Variants in LAMC2 observed in about 807,000 individuals in gnomAD.
LAMC2 encodes laminin subunit gamma 2.
Under a neutral mutation model 140.2 loss-of-function variants are expected in LAMC2, and 97 were observed. That is an observed-to-expected ratio of 0.69 (90% confidence interval 0.59 to 0.82). The LOEUF (loss-of-function observed/expected upper bound fraction) is 0.82. Among genes scored for constraint, LAMC2 ranks in the 40% least tolerant of loss-of-function variants. LAMC2 has a pLI of 0.00. For synonymous variants in LAMC2, 513 were observed against 540.2 expected (o/e 0.95, Z 0.70); for missense variants, 1,402 against 1,476.1 (o/e 0.95, Z 0.82).
At chr1:183,248,943 G>A (rs1358817129), downstream of LAMC2, 1 of 149,940 alleles carries the variant, frequency 6.7e-6, no homozygotes, top group Non-Finnish European at 1.5e-5. Flanking sequence ...TCAGTTTGAG[G>A]AGAGTAGAAT....
chr1:183,212,997 T>C (rs1558086413), intron 2 of LAMC2, among the ~76,000 whole-genome samples: 1 of 152,276 alleles, frequency 6.6e-6, no homozygotes, highest in Non-Finnish European at 1.5e-5. Context: ...CAGGCCATCA[T>C]GGCATGGGAG....
chr1:183,207,704 C>T (rs896783776), intron 1 of LAMC2, among the ~76,000 whole-genome samples, 177 bp from the exon 2 acceptor site: 7 of 152,170 alleles, frequency 4.6e-5, no homozygotes, highest in South Asian at 4.1e-4. Flanking sequence ...GAGCAGGCGT[C>T]CCCGGGGTCC....
chr1:183,239,521 T>A lies in LAMC2; in HGVS notation c.3027T>A (p.Asn1009Lys). ...SAAADAQRAK[N>K]GAGEALEISS... ...CTGCTGATGCACAGAGGGCAAAGAA[T>A]GGGGCCGGGGAGGCCCTGGAAATCT... Residue 1009 changes from asparagine to lysine, a missense_variant, in exon 20 of 23, where the codon AAT (asparagine) becomes AAA (lysine). This residue lies in a region of LAMC2 where 670 missense variants were observed against 667.2 expected (regional missense o/e 1.00). Transcript: ENST00000264144. The A allele has an allele frequency of 6.2e-7, 1 of 1,613,400 alleles. No homozygotes were observed. The highest frequency in any genetic ancestry group is 1.1e-5 in the South Asian group (1 of 90,892).
Position 183,245,116 on chromosome 1 carries a change from A to G in LAMC2, c.*1716A>G, listed in dbSNP as rs1411211867. 6.6e-6 allele frequency among the ~76,000 whole-genome samples: 1 copy of G among 152,230 alleles called. No individual in the cohort carries two copies. The highest frequency in any genetic ancestry group is 1.5e-5 in the Non-Finnish European group (1 of 68,030). On this transcript the variant is annotated 3_prime_UTR_variant, in exon 23 of 23. Coordinates refer to ENST00000264144, the MANE Select transcript of LAMC2 (RefSeq NM_005562.3). Reference sequence around the variant, plus strand: ...TTAACTGATGCTGTCTTCTAAGCATAAAGCTTTATTTCTAGAAAAACTCTA... The same window carrying G: ...TTAACTGATGCTGTCTTCTAAGCATGAAGCTTTATTTCTAGAAAAACTCTA...
chr1:183,213,191 A>C (rs1328948329), intron 2 of LAMC2, among the ~76,000 whole-genome samples: 1 of 152,274 alleles, frequency 6.6e-6, no homozygotes, highest in Non-Finnish European at 1.5e-5. Context: ...GCTAATACAT[A>C]TAAAGTGCCT....
chr1:183,227,932 G>A (rs1659681818), intron 10 of LAMC2, among the ~76,000 whole-genome samples: 1 of 152,190 alleles, frequency 6.6e-6, no homozygotes, highest in African/African-American at 2.4e-5. Flanking sequence ...AAGCTGTTTT[G>A]AGAGGTTTGT....
chr1:183,223,085 C>T (rs368530961), intron 6 of LAMC2, 50 bp from the exon 7 acceptor site: 2 of 1,565,774 alleles, frequency 1.3e-6, no homozygotes, highest in East Asian at 4.5e-5. Flanking sequence ...CATGTGTTTG[C>T]CTCTCCAGTT....
chr1:183,227,648 G>C lies in LAMC2; in HGVS notation c.1419G>C (p.Met473Ile). Residue 473 changes from methionine to isoleucine, a missense_variant, in exon 10 of 23, where the codon ATG (methionine) becomes ATC (isoleucine). Physicochemically the swap from Met to Ile is conservative, Grantham distance 10. Around this residue, in one of 3 missense-constraint regions of LAMC2, gnomAD observed 723 missense variants for 783.3 expected, o/e 0.92. Transcript: ENST00000264144. The part of the protein sequence containing the change: ...PCHNGFSCSV[M>I]PETEEVVCNN... ...ATAACGGGTTCAGCTGCTCAGTGAT[G>C]CCGGAGACGGAGGAGGTGGTGTGCA... The C allele has an allele frequency of 6.2e-7, 1 of 1,614,188 alleles. No homozygotes were observed. The highest frequency in any genetic ancestry group is 8.5e-7 in the Non-Finnish European group (1 of 1,180,040).
chr1:183,207,780 A>G, intron 1 of LAMC2, 101 bp from the exon 2 acceptor site: 6 of 1,011,982 alleles, frequency 5.9e-6, no homozygotes, highest in South Asian at 3.9e-5. Flanking sequence ...TATAGTACTC[A>G]TGCATAATTT....
chr1:183,255,269 C>T, the LAMC2 span, among the ~76,000 whole-genome samples: 7 of 152,176 alleles, frequency 4.6e-5, no homozygotes, highest in Non-Finnish European at 8.8e-5. Flanking sequence ...GGTTCCACTG[C>T]TCTATGTGTC....
chr1:183,206,958 G>A (rs1261792306), intron 1 of LAMC2, among the ~76,000 whole-genome samples: 1 of 152,248 alleles, frequency 6.6e-6, no homozygotes, highest in Non-Finnish European at 1.5e-5. Flanking sequence ...GTTTCATGGA[G>A]TGAGTGATGA....
At chr1:183,203,937 G>C (rs774570280) in intron 1 of LAMC2, among the ~76,000 whole-genome samples, 2 of 152,174 alleles carry the variant, frequency 1.3e-5, no homozygotes, top group Non-Finnish European at 2.9e-5. Context: ...GAGGGGAGAT[G>C]CTGGCTAAGG....
chr1:183,224,491 C>T (rs1054306328), intron 7 of LAMC2, among the ~76,000 whole-genome samples: 1 of 152,072 alleles, frequency 6.6e-6, no homozygotes, highest in Admixed American at 6.5e-5. Flanking sequence ...CAACTACAGG[C>T]ACCATATAGA....
At position 183,223,297 on chromosome 1, in the gene LAMC2, G is replaced by A. The variant is rs1367334631; in HGVS notation, c.926G>A (p.Cys309Tyr). 1.2e-6 allele frequency: 2 copies of A among 1,614,172 alleles called. No homozygotes were observed. Among genetic ancestry groups the A allele is most frequent in the Non-Finnish European group, 1.7e-6 (2 of 1,180,028 alleles). Residue 309 changes from cysteine to tyrosine, a missense_variant, in exon 7 of 23, where the codon TGT becomes TAT. Cys to Tyr is a radical substitution (Grantham distance 194). Coordinates refer to ENST00000264144, the MANE Select transcript of LAMC2 (RefSeq NM_005562.3). ...ATGCCACTTGGCAAGACACTGCCTT[G>A]TGGGCTCACCAAGACTTACACATTC... The part of the protein sequence containing the change: ...PLMPLGKTLP[C>Y]GLTKTYTFRL...
rs376399826 is a variant in LAMC2, at chr1:183,232,792, A to G, written c.2155A>G (p.Thr719Ala). The change falls in exon 14 of 23, where the codon ACT becomes GCT. Residue 719 changes from threonine (T) to alanine (A), a missense_variant. Thr to Ala is a moderately conservative substitution (Grantham distance 58, BLOSUM62 0). Coordinates refer to ENST00000264144, the MANE Select transcript of LAMC2 (RefSeq NM_005562.3). ...GSQYQNRVRD[T>A]HRLITQMQLS... The stretch of plus-strand genomic sequence containing the variant: ...TCAGTACCAGAACCGAGTTCGGGAT[A>G]CTCACAGGCTCATCACTCAGATGCA... 1 of 1,613,996 alleles carries G rather than the reference A, an allele frequency of 6.2e-7. No individual in the cohort carries two copies. Among genetic ancestry groups the G allele is most frequent in the African/African-American group, 1.3e-5 (1 of 74,912 alleles).
At position 183,229,119 on chromosome 1, in the gene LAMC2, C is replaced by T. The variant is rs1258201788; in HGVS notation, c.1714+500C>T. Among the ~76,000 whole-genome samples, 3 of 152,232 alleles carry T rather than the reference C, an allele frequency of 2.0e-5. No homozygotes were observed. The East Asian group carries it at 5.8e-4, about 29-fold the overall frequency. On this transcript the variant is annotated intron_variant, in intron 11 of 22. Transcript: ENST00000264144. ...TTCTCCTAACAAGACAGCTTCAAAGCAGCAGCTATAGTGGAGCATTCCTGA... is the reference window on the plus strand; with the variant it reads ...TTCTCCTAACAAGACAGCTTCAAAGTAGCAGCTATAGTGGAGCATTCCTGA...
At chr1:183,207,202 G>T (rs1658912337) in intron 1 of LAMC2, among the ~76,000 whole-genome samples, 1 of 152,102 alleles carries the variant, frequency 6.6e-6, no homozygotes. Context: ...AGTGTGCCGG[G>T]TACTATGCTG....
chr1:183,191,585 C>T (rs755971004), intron 1 of LAMC2, among the ~76,000 whole-genome samples: 3 of 149,802 alleles, frequency 2.0e-5, no homozygotes, highest in African/African-American at 2.5e-5. Flanking sequence ...GGGCTGGGTG[C>T]GGTGGCTCAT....
intron 4 of LAMC2, 114 bp downstream of exon 4, chr1:183,218,602 C>A (rs1659358933): frequency 3.7e-6 from 3 of 809,386 alleles, no homozygotes; most frequent in South Asian, 2.9e-5. Context: ...ACGTTGATGA[C>A]CTTCTTCCTG....
Sources: gnomAD v4.1 joint callset for allele counts (sites outside exome capture counted in the v4.1 genomes callset) on GRCh38, gnomAD v4.1.1 for gene constraint, gnomAD v4.1.1 regional missense constraint, MANE v1.5 for transcripts, NCBI Gene and HGNC (gene_info 2026-07-23, HGNC 2026-07-21) for gene names.